The following ECT2 variants were observed in gnomAD, a reference collection of about 807,000 sequenced individuals.
ECT2 encodes the protein protein ECT2.
ECT2 carries 61 observed loss-of-function variants against 116.9 expected under a neutral mutation model. The ratio of observed to expected loss-of-function variants is 0.52; its 90% CI spans 0.42 to 0.65. The LOEUF is 0.65. ECT2 is among the 30% of genes least tolerant of loss of function. The pLI, the probability that ECT2 is intolerant of heterozygous loss-of-function variation, is 0.00. For missense variants in ECT2, 937 were observed against 1,078.7 expected, an observed-to-expected ratio of 0.87 and a Z score of 1.84; for synonymous variants, 358 against 346.4, an observed-to-expected ratio of 1.03 and a Z score of -0.37.
rs567210127 is a variant in ECT2, at chr3:172,760,909, C to T, written c.684+646C>T. Among the ~76,000 whole-genome samples the T allele has an allele frequency of 2.6e-5, 4 of 151,650 alleles. No individual in the cohort carries two copies. In the East Asian group the frequency reaches 7.8e-4, roughly 30 times the overall value. ...CTAATTTTTGTAGTTTTCATAGAGA[C>T]AGGGTTTCACCATATTGGCCAGGGT... On this transcript the variant is annotated intron_variant, in intron 7 of 24. Transcript: ENST00000392692.
chr3:172,753,257 C>T (rs956696979), intron 1 of ECT2, among the ~76,000 whole-genome samples: 1 of 152,044 alleles, frequency 6.6e-6, no homozygotes, highest in African/African-American at 2.4e-5. Context: ...CCACCCACAC[C>T]TGGCTAATTT....
rs561891526 is a variant in ECT2, at chr3:172,820,426, A to G, written c.*189A>G. On this transcript the variant is annotated 3_prime_UTR_variant, in exon 25 of 25. Coordinates refer to ENST00000392692, the MANE Select transcript of ECT2 (RefSeq NM_001258315.2). ...ACCTGTTACATTTTCAAGTTAATTC[A>G]TGTAAAAAATGATAGTGATTTTGAT... is the stretch of plus-strand genomic sequence containing the variant. 32 of 365,658 alleles carry G rather than the reference A, an allele frequency of 8.8e-5. 1 individual carries two copies. In the South Asian group the frequency reaches 3.3e-3, roughly 38 times the overall value. 22.7% of individuals were successfully genotyped at this position (365,658 alleles called of 1,614,324 possible).
Position 172,820,221 on chromosome 3 carries a change from C to T in ECT2, c.2729C>T (p.Thr910Ile). Reference sequence around the variant, plus strand: ...AGAAGTCATACGTTAAGTAGATCTACAACTCATTTGATATGAAGCGTTACC... The same window carrying T: ...AGAAGTCATACGTTAAGTAGATCTATAACTCATTTGATATGAAGCGTTACC... ...ERRSHTLSRS[T>I]THLI Residue 910 changes from threonine (T) to isoleucine (I), a missense_variant, in exon 25 of 25, where the codon ACA (threonine) becomes ATA (isoleucine). Coordinates refer to ENST00000392692, the MANE Select transcript of ECT2 (RefSeq NM_001258315.2). 6.2e-7 allele frequency: 1 copy of T among 1,606,558 alleles called. No individual in the cohort carries two copies. Among genetic ancestry groups the T allele is most frequent in the Non-Finnish European group, 8.5e-7 (1 of 1,175,724 alleles).
intron 18 of ECT2, among the ~76,000 whole-genome samples, chr3:172,792,044 A>C (rs1724768144): frequency 6.6e-6 from 1 of 152,170 alleles, no homozygotes; most frequent in Admixed American, 6.6e-5. Context: ...AGAGAGCGAT[A>C]GGGGAATGGC....
intron 20 of ECT2, among the ~76,000 whole-genome samples, chr3:172,804,347 A>G (rs1036920955): frequency 5.3e-5 from 8 of 152,082 alleles, no homozygotes; most frequent in African/African-American, 7.2e-5. Context: ...TTTTTGGTCA[A>G]TCATGTTGCA....
intron 13 of ECT2, among the ~76,000 whole-genome samples, chr3:172,771,958 C>G (rs991119505): frequency 2.0e-5 from 3 of 152,090 alleles, no homozygotes; most frequent in African/African-American, 7.2e-5. Context: ...TTTTTGCCCA[C>G]TTTTAAATTG....
intron 22 of ECT2, among the ~76,000 whole-genome samples, chr3:172,815,215 G>A (rs1364944151): frequency 6.6e-6 from 1 of 152,162 alleles, no homozygotes; most frequent in Non-Finnish European, 1.5e-5. Context: ...AGGACAAAAG[G>A]GTAAAGTAGG....
intron 18 of ECT2, among the ~76,000 whole-genome samples, chr3:172,797,502 C>G (rs1210782541): frequency 1.3e-5 from 2 of 152,148 alleles, no homozygotes; most frequent in African/African-American, 2.4e-5. Flanking sequence ...GCTGTTATAT[C>G]CTGACACTAA....
At chr3:172,808,906 G>A (rs1380915019) in intron 22 of ECT2, among the ~76,000 whole-genome samples, 2 of 152,136 alleles carry the variant, frequency 1.3e-5, no homozygotes, top group Admixed American at 1.3e-4. Flanking sequence ...TTGTGTGTGT[G>A]TGTGTTTAGA....
At chr3:172,803,997 C>T (rs1184588621) in intron 20 of ECT2, among the ~76,000 whole-genome samples, 2 of 151,990 alleles carry the variant, frequency 1.3e-5, no homozygotes, top group Non-Finnish European at 2.9e-5. Context: ...ACTGGTTTTG[C>T]ATGTTGCGCA....
intron 18 of ECT2, among the ~76,000 whole-genome samples, chr3:172,790,332 A>C (rs1724436204): frequency 6.6e-6 from 1 of 152,232 alleles, no homozygotes; most frequent in South Asian, 2.1e-4. Flanking sequence ...CCTGCCCCAC[A>C]ACACAGCTCA....
intron 13 of ECT2, among the ~76,000 whole-genome samples, chr3:172,771,592 G>A (rs1720645757): frequency 6.6e-6 from 1 of 152,184 alleles, no homozygotes; most frequent in Non-Finnish European, 1.5e-5. Context: ...AGGCCTTTGA[G>A]TGGTGTGCTA....
chr3:172,756,150 C>A (rs192383971), intron 4 of ECT2, among the ~76,000 whole-genome samples: 9 of 152,278 alleles, frequency 5.9e-5, no homozygotes, highest in Non-Finnish European at 1.2e-4. Flanking sequence ...AAGTCCTTAT[C>A]GCCAAATATA....
downstream of ECT2, among the ~76,000 whole-genome samples, chr3:172,825,053 C>G (rs1475150252): frequency 6.6e-6 from 1 of 152,178 alleles, no homozygotes; most frequent in East Asian, 1.9e-4. Flanking sequence ...CACAGTGTTT[C>G]CAACAGCATG....
chr3:172,756,404 T>A (rs1301818275), intron 4 of ECT2, among the ~76,000 whole-genome samples: 1 of 152,210 alleles, frequency 6.6e-6, no homozygotes, highest in Non-Finnish European at 1.5e-5. Flanking sequence ...AACTTGCCTT[T>A]TTATATCCTA....
At chr3:172,822,807 A>G (rs372799633), downstream of ECT2, among the ~76,000 whole-genome samples, 18 of 152,178 alleles carry the variant, frequency 1.2e-4, no homozygotes, top group South Asian at 3.5e-3. Context: ...GACCTAATAG[A>G]TAAATTTCAG....
downstream of ECT2, among the ~76,000 whole-genome samples, chr3:172,821,775 T>C (rs1730701968): frequency 6.6e-6 from 1 of 151,888 alleles, no homozygotes; most frequent in African/African-American, 2.4e-5. Flanking sequence ...GAGGTGGAAC[T>C]GTTATTTTCC....
chr3:172,757,515 A>G (rs1265772071), intron 5 of ECT2, among the ~76,000 whole-genome samples: 2 of 144,584 alleles, frequency 1.4e-5, no homozygotes, highest in Non-Finnish European at 3.0e-5. Flanking sequence ...TCCTGGGTTC[A>G]CGCCATTCTC....
chr3:172,755,231 A>T, intron 2 of ECT2, 64 bp from the exon 3 acceptor site: 1 of 1,298,226 alleles, frequency 7.7e-7, no homozygotes, highest in Non-Finnish European at 1.1e-6. Context: ...CAAAAGAGCG[A>T]TAAGGACCTA....
Sources: allele counts gnomAD v4.1 joint callset (sites outside exome capture counted in the v4.1 genomes callset), GRCh38; gene constraint gnomAD v4.1.1; transcripts MANE v1.5; gene names NCBI Gene and HGNC (gene_info 2026-07-23, HGNC 2026-07-21).